CSMD1: variants seen among roughly 807,000 people sequenced by gnomAD.
CSMD1 encodes the protein CUB and sushi domain-containing protein 1.
CSMD1 carries 213 observed loss-of-function variants against 417.5 expected under a neutral mutation model. That is an observed-to-expected ratio of 0.51 (90% CI 0.46 to 0.57). CSMD1 has a LOEUF of 0.57. Among genes scored for constraint, CSMD1 ranks in the 20% least tolerant of loss-of-function variants. CSMD1 has a pLI of 0.00. For synonymous variants in CSMD1, 2,862 were observed against 1,736.8 expected (o/e 1.65, Z -16.11); for missense variants, 6,923 against 4,529.7 (o/e 1.53, Z -15.17).
chr8:4,058,625 A>C (rs1028193146), intron 3 of CSMD1, among the ~76,000 whole-genome samples: 1 of 150,900 alleles, frequency 6.6e-6, no homozygotes, highest in African/African-American at 2.4e-5. Context: ...AAACAAAAAA[A>C]GGCAGGGGTT....
chr8:3,013,753 A>C (rs1419965505), intron 52 of CSMD1, among the ~76,000 whole-genome samples: 1 of 151,994 alleles, frequency 6.6e-6, no homozygotes, highest in Non-Finnish European at 1.5e-5. Flanking sequence ...TCTCAGAAAA[A>C]AAAAAAAAAA....
At chr8:3,271,941 C>G (rs1308978739) in intron 26 of CSMD1, among the ~76,000 whole-genome samples, 2 of 152,078 alleles carry the variant, frequency 1.3e-5, no homozygotes, top group South Asian at 4.1e-4. Flanking sequence ...TTAATTAGAT[C>G]CCATTTGTCA....
At chr8:3,999,584 C>A (rs776134764) in intron 4 of CSMD1, among the ~76,000 whole-genome samples, 15 of 152,262 alleles carry the variant, frequency 9.9e-5, no homozygotes, top group Non-Finnish European at 2.2e-4. Context: ...ATGCCAGGGG[C>A]ATAGGGGTAG....
At position 4,023,653 on chromosome 8, in the gene CSMD1, C is replaced by G. The variant is rs901921099; in HGVS notation, c.610+8252G>C. 6.1e-5 allele frequency among the ~76,000 whole-genome samples: 9 copies of G among 147,498 alleles called. No homozygotes were observed. In the Admixed American group the frequency reaches 6.2e-4, roughly 10 times the overall value. On this transcript the variant is annotated intron_variant, in intron 4 of 69. Transcript: ENST00000635120. ...CCAGGCTAGAGTGCAGTGGCGCGAT[C>G]TCGGCTCACTGCAAGCTCCGCCTCC...
intron 5 of CSMD1, among the ~76,000 whole-genome samples, chr8:3,890,029 A>T (rs1029487918): frequency 1.3e-5 from 2 of 152,008 alleles, no homozygotes; most frequent in African/African-American, 4.8e-5. Flanking sequence ...AAATATAAAC[A>T]TTTTTTTAAA....
intron 3 of CSMD1, among the ~76,000 whole-genome samples, chr8:4,275,949 A>G (rs1055491875): frequency 6.6e-6 from 1 of 152,234 alleles, no homozygotes; most frequent in African/African-American, 2.4e-5. Flanking sequence ...GAAACCATGA[A>G]TAGTTAAAAA....
intron 1 of CSMD1, among the ~76,000 whole-genome samples, chr8:4,963,801 T>C (rs1227155323): frequency 1.3e-5 from 2 of 152,130 alleles, no homozygotes; most frequent in African/African-American, 4.8e-5. Context: ...TGGTAAGCAA[T>C]AGAATTATTG....
Position 3,191,565 on chromosome 8 carries a change from G to C in CSMD1, c.5195-1450C>G, listed in dbSNP as rs1286299804. On this transcript the variant is annotated intron_variant, in intron 33 of 69. Coordinates refer to ENST00000635120, the MANE Select transcript of CSMD1 (RefSeq NM_033225.6). ...CATTGTTGCAGCAAGCAAAAACCCAGGGATATGGAATGACGTGTGTGTATC... is the reference window on the plus strand; with the variant it reads ...CATTGTTGCAGCAAGCAAAAACCCACGGATATGGAATGACGTGTGTGTATC... Among the ~76,000 whole-genome samples, 9 of 152,292 alleles carry C rather than the reference G, an allele frequency of 5.9e-5. No individual in the cohort carries two copies. In the East Asian group the frequency reaches 1.5e-3, roughly 26 times the overall value.
intron 5 of CSMD1, among the ~76,000 whole-genome samples, chr8:3,926,026 C>CACACAAACACCATAT (rs1809643826): frequency 8.0e-6 from 1 of 125,252 alleles, no homozygotes; most frequent in East Asian, 2.5e-4. Context: ...CACACACACA[C>CACACAAACACCATAT]ACACACACAC....
chr8:4,247,295 G>C (rs987488305), intron 3 of CSMD1, among the ~76,000 whole-genome samples: 1 of 152,126 alleles, frequency 6.6e-6, no homozygotes, highest in Non-Finnish European at 1.5e-5. Flanking sequence ...TCAATGGGTG[G>C]TCAATTGTCT....
rs538427972 is a variant in CSMD1 at position 3,188,093 on chromosome 8, T to C, written c.5524-128A>G. The stretch of plus-strand genomic sequence containing the variant: ...ATATATATACATATGTATATGTATA[T>C]ATATATACATATACACCTTAATAAT... On this transcript the variant is annotated intron_variant, in intron 35 of 69. Coordinates refer to ENST00000635120, the MANE Select transcript of CSMD1 (RefSeq NM_033225.6). 2.5e-3 allele frequency: 741 copies of C among 297,228 alleles called. 43 individuals carry two copies. In the South Asian group the frequency reaches 0.053, roughly 21 times the overall value. The allele number at this position is 297,228 out of a possible 1,614,324, so 18.4% of individuals were successfully genotyped here. A position where few individuals can be genotyped will look rare whatever the true frequency, so the allele number is the denominator to read the frequency against.
At chr8:4,158,320 A>G (rs1465911140) in intron 3 of CSMD1, among the ~76,000 whole-genome samples, 1 of 152,128 alleles carries the variant, frequency 6.6e-6, no homozygotes, top group Non-Finnish European at 1.5e-5. Flanking sequence ...GAAGGATGCA[A>G]TCATCTCTAC....
In CSMD1 at chr8:4,197,670, G is replaced by T. The variant is rs529081078; in HGVS notation, c.416-165571C>A. Among the ~76,000 whole-genome samples, 3 of 152,288 alleles carry T rather than the reference G, an allele frequency of 2.0e-5. No homozygotes were observed. In the East Asian group the frequency reaches 5.8e-4, roughly 29 times the overall value. ...GAGGCAGGTGGATCATTTGAGGCCA[G>T]GAGTTTGAGGCCAGCTTGGCCAACA... On this transcript the variant is annotated intron_variant, in intron 3 of 69. Coordinates refer to ENST00000635120, the MANE Select transcript of CSMD1 (RefSeq NM_033225.6).
At chr8:3,986,862 C>A (rs1397524033) in intron 5 of CSMD1, among the ~76,000 whole-genome samples, 1 of 152,090 alleles carries the variant, frequency 6.6e-6, no homozygotes, top group Non-Finnish European at 1.5e-5. Flanking sequence ...TCAAGCAATT[C>A]TCCTGCTTCA....
chr8:3,291,029 C>T (rs1207586811), intron 25 of CSMD1, among the ~76,000 whole-genome samples: 1 of 152,102 alleles, frequency 6.6e-6, no homozygotes, highest in Non-Finnish European at 1.5e-5. Context: ...GAGTTTTTAG[C>T]ATGAAGGGTT....
At chr8:4,970,261 T>C (rs1488916068) in intron 1 of CSMD1, among the ~76,000 whole-genome samples, 1 of 152,134 alleles carries the variant, frequency 6.6e-6, no homozygotes, top group East Asian at 1.9e-4. Flanking sequence ...TGTGAGTCTC[T>C]TTGATCTGCC....
chr8:3,579,241 T>C (rs372138029), intron 9 of CSMD1, among the ~76,000 whole-genome samples: 2 of 152,184 alleles, frequency 1.3e-5, no homozygotes, highest in African/African-American at 4.8e-5. Context: ...ATGACCAATT[T>C]TGGATGCCAA....
intron 3 of CSMD1, among the ~76,000 whole-genome samples, chr8:4,154,268 A>G (rs928606114): frequency 7.0e-6 from 1 of 141,890 alleles, no homozygotes; most frequent in Non-Finnish European, 1.6e-5. Flanking sequence ...CAGTAATGCT[A>G]AAAAATAAAT....
At chr8:3,880,984 G>A (rs909970235) in intron 5 of CSMD1, among the ~76,000 whole-genome samples, 1 of 151,850 alleles carries the variant, frequency 6.6e-6, no homozygotes, top group Non-Finnish European at 1.5e-5. Context: ...TACTAGCAAA[G>A]GCAAATGAAG....
Sources: allele counts gnomAD v4.1 joint callset (sites outside exome capture counted in the v4.1 genomes callset), GRCh38; gene constraint gnomAD v4.1.1; transcripts MANE v1.5; gene names NCBI Gene and HGNC (gene_info 2026-07-23, HGNC 2026-07-21).